Variants in MYO10 observed in about 807,000 individuals in gnomAD.
MYO10 encodes the protein myosin X.
MYO10 carries 133 observed loss-of-function variants against 257.3 expected under a neutral mutation model. The ratio of observed to expected loss-of-function variants is 0.52; its 90% CI spans 0.45 to 0.60. The LOEUF (loss-of-function observed/expected upper bound fraction) is 0.60, where lower values mean the gene tolerates loss of function less well. Ranked by LOEUF, MYO10 falls within the 20% of genes least tolerant of loss-of-function variation. The pLI is 0.00. For missense variants in MYO10, 2,399 were observed against 2,635.7 expected, an observed-to-expected ratio of 0.91 and a Z score of 1.97; for synonymous variants, 1,104 against 1,028.6, an observed-to-expected ratio of 1.07 and a Z score of -1.40.
intron 19 of MYO10, among the ~76,000 whole-genome samples, chr5:16,723,974 G>A (rs995680543): frequency 1.3e-5 from 2 of 152,172 alleles, no homozygotes; most frequent in Non-Finnish European, 2.9e-5. Context: ...CTAAAGCACA[G>A]AGGAATTTTA....
chr5:16,707,736 G>A (rs1026255570), intron 21 of MYO10, among the ~76,000 whole-genome samples: 1 of 152,152 alleles, frequency 6.6e-6, no homozygotes, highest in Non-Finnish European at 1.5e-5. Context: ...GTTCAGCAGG[G>A]AAATACATTG....
Position 16,663,496 on chromosome 5 carries a change from G to C in MYO10, c.*3196C>G, listed in dbSNP as rs766248422. ...TAACAGACATTCAAAACTACAGTCAGCCCTCAGTGTTCATGTGGTCTGAAT... is the reference window on the plus strand; with the variant it reads ...TAACAGACATTCAAAACTACAGTCACCCCTCAGTGTTCATGTGGTCTGAAT... On this transcript the variant is annotated 3_prime_UTR_variant, in exon 41 of 41. Transcript: ENST00000513610. 7.9e-5 allele frequency: 12 copies of C among 151,910 alleles called. No homozygotes were observed. Among genetic ancestry groups the C allele is most frequent in the Non-Finnish European group, 1.6e-4 (11 of 68,018 alleles). 9.4% of individuals were successfully genotyped at this position (151,910 alleles called of 1,614,324 possible). A position where few individuals can be genotyped will look rare whatever the true frequency, so the allele number is the denominator to read the frequency against.
intron 21 of MYO10, among the ~76,000 whole-genome samples, chr5:16,707,989 G>C (rs1206035403): frequency 6.6e-6 from 1 of 152,198 alleles, no homozygotes; most frequent in Non-Finnish European, 1.5e-5. Flanking sequence ...AGAGGTTTGA[G>C]GCTTTAAACA....
At chr5:16,762,453 AGTTGGGCCAGCGG>A in intron 15 of MYO10, 79 bp downstream of exon 15, 7 of 991,944 alleles carry the variant, frequency 7.1e-6, no homozygotes, top group Non-Finnish European at 1.1e-5. Flanking sequence ...TGGGAGGCAC[AGTTGGGCCAGCGG>A]ACTGACATGT....
chr5:16,702,218 C>T (rs1402189729), intron 24 of MYO10, among the ~76,000 whole-genome samples: 1 of 152,204 alleles, frequency 6.6e-6, no homozygotes, highest in South Asian at 2.1e-4. Flanking sequence ...TCTTGCAGTT[C>T]CGGCCTCCAG....
At chr5:16,912,473 A>G (rs962513023) in intron 1 of MYO10, among the ~76,000 whole-genome samples, 13 of 152,078 alleles carry the variant, frequency 8.5e-5, no homozygotes, top group African/African-American at 3.1e-4. Context: ...ACCGTGCCTT[A>G]CATAGTCTGG....
At chr5:16,865,076 T>C (rs1744206974) in intron 2 of MYO10, among the ~76,000 whole-genome samples, 1 of 152,194 alleles carries the variant, frequency 6.6e-6, no homozygotes, top group Non-Finnish European at 1.5e-5. Context: ...CCCAGCTCAA[T>C]GCTGTCTTTT....
At position 16,846,122 on chromosome 5, in the gene MYO10, A is replaced by G. The variant is rs374533273; in HGVS notation, c.121-27955T>C. On this transcript the variant is annotated intron_variant, in intron 2 of 40. Coordinates refer to ENST00000513610, the MANE Select transcript of MYO10 (RefSeq NM_012334.3). Reference sequence around the variant, plus strand: ...ATACAGTGTCCAGGTGTTAAGGTGTATCAAGTGCTCACAGATCTTGGCAAA... The same window carrying G: ...ATACAGTGTCCAGGTGTTAAGGTGTGTCAAGTGCTCACAGATCTTGGCAAA... Among the ~76,000 whole-genome samples the G allele has an allele frequency of 5.3e-5, 8 of 152,340 alleles. No individual in the cohort carries two copies. In the South Asian group the frequency reaches 1.0e-3, roughly 20 times the overall value.
At chr5:16,808,033 T>C (rs560412143) in intron 3 of MYO10, among the ~76,000 whole-genome samples, 1 of 152,328 alleles carries the variant, frequency 6.6e-6, no homozygotes, top group East Asian at 1.9e-4. Context: ...CAGGGCGGCA[T>C]CAGCATCGAT....
intron 19 of MYO10, among the ~76,000 whole-genome samples, chr5:16,715,842 G>A (rs1738846443): frequency 6.6e-6 from 1 of 152,068 alleles, no homozygotes; most frequent in African/African-American, 2.4e-5. Context: ...GATCACCTGA[G>A]GTCAGCAGTT....
chr5:16,684,081 C>T (rs1213347942), intron 29 of MYO10, 146 bp from the exon 30 acceptor site: 5 of 725,282 alleles, frequency 6.9e-6, no homozygotes, highest in Non-Finnish European at 2.4e-6. Flanking sequence ...TATGAGACGA[C>T]TCCTCTGTTG....
chr5:16,683,350 C>A (rs772332989), intron 30 of MYO10, among the ~76,000 whole-genome samples: 3 of 152,074 alleles, frequency 2.0e-5, no homozygotes, highest in Admixed American at 6.6e-5. Flanking sequence ...TCACTGGGCA[C>A]AAAGACGCGT....
chr5:16,852,339 A>G (rs1404747943), intron 2 of MYO10, among the ~76,000 whole-genome samples: 1 of 151,994 alleles, frequency 6.6e-6, no homozygotes, highest in East Asian at 1.9e-4. Context: ...GCTTAATCGT[A>G]GATGTATAGA....
At chr5:16,687,044 G>A (rs1160608408) in intron 28 of MYO10, among the ~76,000 whole-genome samples, 1 of 152,096 alleles carries the variant, frequency 6.6e-6, no homozygotes, top group Non-Finnish European at 1.5e-5. Flanking sequence ...AAACGTGTCT[G>A]GGCATGGTGG....
intron 19 of MYO10, among the ~76,000 whole-genome samples, chr5:16,718,883 G>T (rs1447205647): frequency 6.6e-6 from 1 of 152,206 alleles, no homozygotes. Context: ...TGGGGACGTG[G>T]AGAACCTTTG....
intron 19 of MYO10, among the ~76,000 whole-genome samples, chr5:16,733,795 T>A (rs1299421651): frequency 6.6e-6 from 1 of 152,216 alleles, no homozygotes; most frequent in African/African-American, 2.4e-5. Flanking sequence ...GTTATTCCCA[T>A]CCCCGGGCCT....
At chr5:16,793,209 T>G (rs1741823653) in intron 4 of MYO10, among the ~76,000 whole-genome samples, 1 of 152,148 alleles carries the variant, frequency 6.6e-6, no homozygotes, top group Admixed American at 6.5e-5. Context: ...CCCAGGGGTG[T>G]GAGGATCATC....
rs375048252 is a variant in MYO10 at position 16,919,840 on chromosome 5, T to C, written c.21+15948A>G. ...AAAAACACAAAAATTAGGCCGGGTGTGGTGGCTCACACCTGTAATCCCAGC... is the reference window on the plus strand; with the variant it reads ...AAAAACACAAAAATTAGGCCGGGTGCGGTGGCTCACACCTGTAATCCCAGC... On this transcript the variant is annotated intron_variant, in intron 1 of 40. Transcript: ENST00000513610. Among the ~76,000 whole-genome samples the C allele has an allele frequency of 1.5e-4, 23 of 151,890 alleles. 1 individual carries two copies. The East Asian group carries it at 1.7e-3, about 11-fold the overall frequency.
intron 19 of MYO10, among the ~76,000 whole-genome samples, chr5:16,715,451 TCAC>T (rs1738820270): frequency 6.7e-6 from 1 of 148,368 alleles, no homozygotes; most frequent in African/African-American, 2.5e-5. Flanking sequence ...CAGGCATTTG[TCAC>T]CACACCTGGC....
Sources: allele counts gnomAD v4.1 joint callset (sites outside exome capture counted in the v4.1 genomes callset), GRCh38; gene constraint gnomAD v4.1.1; transcripts MANE v1.5; gene names NCBI Gene and HGNC (gene_info 2026-07-23, HGNC 2026-07-21).